Variants in VPS54 observed in about 807,000 individuals in gnomAD.
VPS54 encodes vacuolar protein sorting-associated protein 54.
VPS54 carries 45 observed loss-of-function variants against 121.5 expected under a neutral mutation model. That is an observed-to-expected ratio of 0.37 (90% CI 0.29 to 0.47). The LOEUF (loss-of-function observed/expected upper bound fraction) is 0.47, where lower values mean the gene tolerates loss of function less well. Among genes scored for constraint, VPS54 ranks in the 20% least tolerant of loss-of-function variants. The pLI, the probability that VPS54 is intolerant of heterozygous loss-of-function variation, is 0.99. For missense variants in VPS54, 1,090 were observed against 1,131.4 expected (o/e 0.96, Z 0.52); for synonymous variants, 371 against 385.8 (o/e 0.96, Z 0.45).
chr2:63,933,447 T>TTA (rs1674307824), intron 12 of VPS54, among the ~76,000 whole-genome samples: 1 of 152,194 alleles, frequency 6.6e-6, no homozygotes, highest in Non-Finnish European at 1.5e-5. Flanking sequence ...AAATGGTCTT[T>TTA]AAAGTTCTTT....
chr2:64,000,530 G>T (rs1040364213), intron 1 of VPS54, among the ~76,000 whole-genome samples: 6 of 152,230 alleles, frequency 3.9e-5, no homozygotes, highest in African/African-American at 1.4e-4. Flanking sequence ...GTCCTTCCTG[G>T]GAAGGCTTTC....
Position 63,913,264 on chromosome 2 carries a change from A to C in VPS54, c.2381T>G (p.Leu794Arg). The part of the protein sequence containing the change: ...SCQLVLGAGA[L>R]QVVGLKTITT... ...TATCGTTTTTAGTCCAACAACTTGC[A>C]GTGCACCAGCTCCAAGAACTAACTG... The change falls in exon 18 of 23, where the codon CTG (leucine) becomes CGG (arginine). Residue 794 changes from leucine to arginine, a missense_variant. Leu to Arg is a moderately radical substitution (Grantham distance 102). Around this residue, in one of 2 missense-constraint regions of VPS54, gnomAD observed 289 missense variants for 374.4 expected, o/e 0.77. Coordinates refer to ENST00000272322, the MANE Select transcript of VPS54 (RefSeq NM_016516.3). 1 of 1,611,558 alleles carries C rather than the reference A, an allele frequency of 6.2e-7. No individual in the cohort carries two copies. Among genetic ancestry groups the C allele is most frequent in the Non-Finnish European group, 8.5e-7 (1 of 1,178,998 alleles).
intron 16 of VPS54, 136 bp downstream of exon 16, chr2:63,916,764 G>C: frequency 2.6e-6 from 2 of 756,934 alleles, no homozygotes; most frequent in South Asian, 3.5e-5. Context: ...GTTCTTTGCA[G>C]GATTTAAAAC....
At chr2:63,943,662 A>G (rs1383295585) in intron 10 of VPS54, among the ~76,000 whole-genome samples, 1 of 152,030 alleles carries the variant, frequency 6.6e-6, no homozygotes, top group African/African-American at 2.4e-5. Flanking sequence ...TCAGTCATAA[A>G]ATATTATCAC....
At chr2:63,938,348 T>C (rs965952136) in intron 11 of VPS54, among the ~76,000 whole-genome samples, 2 of 152,118 alleles carry the variant, frequency 1.3e-5, no homozygotes, top group African/African-American at 4.8e-5. Context: ...TGTCTTCATA[T>C]GCTAAAGAGA....
At chr2:63,907,530 A>G (rs971982375) in intron 20 of VPS54, among the ~76,000 whole-genome samples, 28 of 151,578 alleles carry the variant, frequency 1.8e-4, no homozygotes, top group Non-Finnish European at 2.7e-4. Flanking sequence ...AAAAAAAAAA[A>G]AAAAGAAAAG....
intron 5 of VPS54, 22 bp downstream of exon 5, chr2:63,968,935 T>C: frequency 6.3e-7 from 1 of 1,590,304 alleles, no homozygotes; most frequent in Non-Finnish European, 8.5e-7. Context: ...AAGGCAATTT[T>C]CTCATGTTTA....
At chr2:63,974,869 A>C in intron 3 of VPS54, 1 of 1,164,360 alleles carries the variant, frequency 8.6e-7, no homozygotes, top group South Asian at 2.0e-5. Flanking sequence ...CGATCATTTC[A>C]TCTGGAAACA....
chr2:63,971,038 C>T (rs558248044), intron 4 of VPS54, among the ~76,000 whole-genome samples: 1 of 152,260 alleles, frequency 6.6e-6, no homozygotes, highest in Admixed American at 6.5e-5. Context: ...ATTCCTCCTC[C>T]TATATTGCCT....
Position 63,919,989 on chromosome 2 carries a change from G to A in VPS54, c.2058C>T (p.Leu686=). 1 of 1,610,518 alleles carries A rather than the reference G, an allele frequency of 6.2e-7. No individual in the cohort carries two copies. ...CTTGCTTCCAGCGCTCATTGTCTAA[G>A]AGGAGGCTAGTCCACAGTAAGGAGA... ...HEERKTKLSL[L]LDNERWKQAD... The change falls in exon 15 of 23, where the codon CTC becomes CTT. Residue 686 remains leucine (L), a synonymous_variant. Transcript: ENST00000272322.
In VPS54 at chr2:63,897,526, T is replaced by C; in HGVS notation, c.2798A>G (p.Asn933Ser). The C allele has an allele frequency of 2.5e-6, 4 of 1,601,742 alleles. No individual in the cohort carries two copies. The highest frequency in any genetic ancestry group is 2.2e-5 in the East Asian group (1 of 44,562). ...LHLKKQLSHL[N>S]VINDGGPQNG... ...TTGAGGTCCTCCATCATTTATCACATTTAAGTGAGATAACTGCTTTTTCAA... is the reference window on the plus strand; with the variant it reads ...TTGAGGTCCTCCATCATTTATCACACTTAAGTGAGATAACTGCTTTTTCAA... The change falls in exon 22 of 23, where the codon AAT (asparagine) becomes AGT (serine). Residue 933 changes from asparagine (N) to serine (S), a missense_variant. By Grantham distance (46) the Asn-to-Ser change is conservative (BLOSUM62 1). Coordinates refer to ENST00000272322, the MANE Select transcript of VPS54 (RefSeq NM_016516.3).
chr2:63,927,516 T>A (rs554474116), intron 12 of VPS54, among the ~76,000 whole-genome samples: 1 of 151,992 alleles, frequency 6.6e-6, no homozygotes, highest in East Asian at 1.9e-4. Context: ...GTCACCAACA[T>A]CAAAGACCAA....
intron 1 of VPS54, among the ~76,000 whole-genome samples, chr2:63,989,964 C>G (rs1490132257): frequency 6.6e-6 from 1 of 152,188 alleles, no homozygotes; most frequent in Non-Finnish European, 1.5e-5. Context: ...GAAAAGGGAA[C>G]CATATGTAAA....
intron 15 of VPS54, among the ~76,000 whole-genome samples, chr2:63,919,108 T>C (rs533221345): frequency 6.6e-6 from 1 of 152,190 alleles, no homozygotes; most frequent in South Asian, 2.1e-4. Flanking sequence ...TTGTAAATCT[T>C]ATAGGACTAT....
In VPS54 at chr2:63,974,975, G is replaced by GAC. The variant is rs1676457465; in HGVS notation, c.379-2733_379-2732dup. Reference sequence around the variant, plus strand: ...AATGTTAAAAGAAACAGTGACAGGGGACATCCTTACCTTGATCCTGTTCTT... The same window carrying GAC: ...AATGTTAAAAGAAACAGTGACAGGGGACACATCCTTACCTTGATCCTGTTCTT... On this transcript the variant is annotated intron_variant, in intron 3 of 22. Coordinates refer to ENST00000272322, the MANE Select transcript of VPS54 (RefSeq NM_016516.3). The GAC allele has an allele frequency of 1.9e-6, 3 of 1,547,104 alleles. No homozygotes were observed. The East Asian group carries it at 7.3e-5, about 38-fold the overall frequency.
intron 3 of VPS54, among the ~76,000 whole-genome samples, chr2:63,978,047 G>A (rs1016109892): frequency 6.6e-6 from 1 of 152,210 alleles, no homozygotes; most frequent in Admixed American, 6.5e-5. Flanking sequence ...AATGCGTGAA[G>A]GGAGGGGAAG....
At chr2:63,988,160 A>G (rs1677142522) in intron 1 of VPS54, among the ~76,000 whole-genome samples, 1 of 152,240 alleles carries the variant, frequency 6.6e-6, no homozygotes, top group Non-Finnish European at 1.5e-5. Flanking sequence ...TGGGTCTGTC[A>G]TACATGGCTT....
chr2:63,956,122 T>G (rs1675479974), intron 7 of VPS54, among the ~76,000 whole-genome samples: 1 of 152,124 alleles, frequency 6.6e-6, no homozygotes, highest in Non-Finnish European at 1.5e-5. Context: ...ACCTTGTATA[T>G]CAATAAACTC....
intron 6 of VPS54, among the ~76,000 whole-genome samples, chr2:63,965,340 G>A (rs1014306510): frequency 6.6e-6 from 1 of 152,108 alleles, no homozygotes; most frequent in Non-Finnish European, 1.5e-5. Context: ...GCCAAGCATG[G>A]TGGCACGCAC....
Sources: allele counts gnomAD v4.1 joint callset (sites outside exome capture counted in the v4.1 genomes callset), GRCh38; gene constraint gnomAD v4.1.1; regional missense constraint gnomAD v4.1.1; transcripts MANE v1.5; gene names NCBI Gene and HGNC (gene_info 2026-07-23, HGNC 2026-07-21).